Variants in RAB11A observed in about 807,000 individuals in gnomAD.
RAB11A encodes ras-related protein Rab-11A.
Under a neutral mutation model 28.0 loss-of-function variants are expected in RAB11A, and 9 were observed. The observed-to-expected ratio is 0.32, with a 90% CI of 0.19 to 0.56. The LOEUF is 0.56. RAB11A is among the 20% of genes least tolerant of loss of function. The probability of loss-of-function intolerance (pLI) is 0.91; values close to 1 mark genes in which losing one functional copy is unlikely to be tolerated. For missense variants in RAB11A, 108 were observed against 269.6 expected (o/e 0.40, Z 4.20); for synonymous variants, 85 against 88.2 (o/e 0.96, Z 0.20).
At chr15:65,870,316 T>G (rs1182019376) in intron 1 of RAB11A, among the ~76,000 whole-genome samples, 1 of 152,070 alleles carries the variant, frequency 6.6e-6, no homozygotes, top group Non-Finnish European at 1.5e-5. Flanking sequence ...CTCTCTACCT[T>G]CCCTCCCCAA....
chr15:65,880,921 A>G lies in RAB11A; in HGVS notation c.511+1170A>G, dbSNP rs551599298. Among the ~76,000 whole-genome samples the G allele has an allele frequency of 9.8e-5, 15 of 152,288 alleles. No homozygotes were observed. In the East Asian group the frequency reaches 2.9e-3, roughly 29 times the overall value. On this transcript the variant is annotated intron_variant, in intron 4 of 4. Coordinates refer to ENST00000261890, the MANE Select transcript of RAB11A (RefSeq NM_004663.5). ...TTGTGACCTAAAGGTTTTTTGTCTC[A>G]GTAACCCTTAGCAAAGAATGGTCTG...
At chr15:65,884,423 G>C (rs58619780) in intron 4 of RAB11A, among the ~76,000 whole-genome samples, 22,509 of 151,966 alleles carry the variant, frequency 0.15, 2,710 homozygotes, top group East Asian at 0.62. Flanking sequence ...AAATTGTTTT[G>C]AAGATTAAAT....
At chr15:65,876,423 A>G (rs554681379) in intron 1 of RAB11A, among the ~76,000 whole-genome samples, 8 of 152,048 alleles carry the variant, frequency 5.3e-5, no homozygotes, top group African/African-American at 1.9e-4. Flanking sequence ...CAGGCCCACA[A>G]GTAGTTGGGA....
rs1340477472 is a variant in RAB11A, at chr15:65,889,914, G to GTCTTT, written c.*2075_*2079dup. On this transcript the variant is annotated 3_prime_UTR_variant, in exon 5 of 5. Coordinates refer to ENST00000261890, the MANE Select transcript of RAB11A (RefSeq NM_004663.5). The stretch of plus-strand genomic sequence containing the variant: ...TGACTTTGATTGCATTTCAGCAGGT[G>GTCTTT]TCTTTATTCTGAGTAGTATCTTAGG... 1 of 152,114 alleles carries GTCTTT rather than the reference G, an allele frequency of 6.6e-6. No individual in the cohort carries two copies. Among genetic ancestry groups the GTCTTT allele is most frequent in the Non-Finnish European group, 1.5e-5 (1 of 68,032 alleles). The allele number at this position is 152,114 out of a possible 1,614,324, so 9.4% of individuals were successfully genotyped here. A position where few individuals can be genotyped will look rare whatever the true frequency, so the allele number is the denominator to read the frequency against.
At chr15:65,875,103 C>A (rs965488614) in intron 1 of RAB11A, among the ~76,000 whole-genome samples, 1 of 151,990 alleles carries the variant, frequency 6.6e-6, no homozygotes, top group African/African-American at 2.4e-5. Context: ...CAAGTTCTGG[C>A]TCTACTCCCC....
In RAB11A at chr15:65,888,146, T is replaced by A. The variant is rs559610242; in HGVS notation, c.*306T>A. The A allele has an allele frequency of 1.3e-5, 3 of 231,212 alleles. No individual in the cohort carries two copies. Among genetic ancestry groups the A allele is most frequent in the Non-Finnish European group, 2.5e-5 (3 of 120,314 alleles). 14.3% of individuals were successfully genotyped at this position (231,212 alleles called of 1,614,324 possible). A position where few individuals can be genotyped will look rare whatever the true frequency, so the allele number is the denominator to read the frequency against. ...GTATGTAGGACATAATAGAACTTGA[T>A]CACTTGAAGCTCAGACCTATTGGTC... On this transcript the variant is annotated 3_prime_UTR_variant, in exon 5 of 5. Coordinates refer to ENST00000261890, the MANE Select transcript of RAB11A (RefSeq NM_004663.5).
At chr15:65,874,227 CTTTT>C (rs1005009654) in intron 1 of RAB11A, among the ~76,000 whole-genome samples, 1 of 141,248 alleles carries the variant, frequency 7.1e-6, no homozygotes. Context: ...TAGTTGATAA[CTTTT>C]TTTTTTTTTT....
chr15:65,879,320 A>G (rs756408470), intron 3 of RAB11A, among the ~76,000 whole-genome samples: 6 of 152,174 alleles, frequency 3.9e-5, no homozygotes, highest in Non-Finnish European at 7.4e-5. Flanking sequence ...CTCTCTTGCT[A>G]TTATTTTTAA....
At position 65,877,701 on chromosome 15, in the gene RAB11A, T is replaced by G. The variant is rs2078198236; in HGVS notation, c.237-61T>G. 7.0e-7 allele frequency: 1 copy of G among 1,421,980 alleles called. No individual in the cohort carries two copies. Among genetic ancestry groups the G allele is most frequent in the Non-Finnish European group, 9.6e-7 (1 of 1,045,174 alleles). The allele number at this position is 1,421,980 out of a possible 1,614,324, so 88.1% of individuals were successfully genotyped here. Reference sequence around the variant, plus strand: ...AAAACTCATGATCCATATTTTGAGTTCTTCCTGGTGTTTGCTTCCATCTTG... The same window carrying G: ...AAAACTCATGATCCATATTTTGAGTGCTTCCTGGTGTTTGCTTCCATCTTG... On this transcript the variant is annotated intron_variant, in intron 2 of 4. Transcript: ENST00000261890. This position sits in a 1 kb window ranked among gnomAD's most constrained non-coding sequence, Gnocchi z 4.1.
chr15:65,880,617 ATT>A (rs1316939821), intron 4 of RAB11A, among the ~76,000 whole-genome samples: 3 of 152,186 alleles, frequency 2.0e-5, no homozygotes. Flanking sequence ...CAGCCCCTGT[ATT>A]AGAGATTAAC....
chr15:65,878,986 C>G (rs1489869763), intron 3 of RAB11A, among the ~76,000 whole-genome samples: 2 of 142,382 alleles, frequency 1.4e-5, no homozygotes, highest in African/African-American at 5.2e-5. Context: ...TTGACAATTT[C>G]TCACTTTTTT....
intron 3 of RAB11A, among the ~76,000 whole-genome samples, chr15:65,878,664 C>T (rs534714234): frequency 5.3e-5 from 8 of 152,238 alleles, no homozygotes; most frequent in African/African-American, 1.7e-4. Context: ...GGCGAAAGAG[C>T]GAGACTCCGT....
intron 1 of RAB11A, among the ~76,000 whole-genome samples, chr15:65,869,845 G>C (rs1383704450): frequency 6.6e-6 from 1 of 152,124 alleles, no homozygotes; most frequent in Non-Finnish European, 1.5e-5. Flanking sequence ...ATAGGCCTTC[G>C]CTGGCCTCAG....
chr15:65,873,527 T>G (rs2141100983), intron 1 of RAB11A, among the ~76,000 whole-genome samples: 1 of 152,136 alleles, frequency 6.6e-6, no homozygotes. Context: ...TGAGCCTTAT[T>G]GTATGCATTA....
Position 65,889,359 on chromosome 15 carries a change from C to T in RAB11A, c.*1519C>T, listed in dbSNP as rs2078273035. ...GATAATATTATCTATTTGTAAATTGCTACTTTGTATTTTATGCATGCTCTG... is the reference window on the plus strand; with the variant it reads ...GATAATATTATCTATTTGTAAATTGTTACTTTGTATTTTATGCATGCTCTG... On this transcript the variant is annotated 3_prime_UTR_variant, in exon 5 of 5. Coordinates refer to ENST00000261890, the MANE Select transcript of RAB11A (RefSeq NM_004663.5). 1 of 152,074 alleles carries T rather than the reference C, an allele frequency of 6.6e-6. No homozygotes were observed. The highest frequency in any genetic ancestry group is 1.5e-5 in the Non-Finnish European group (1 of 68,008). The allele number at this position is 152,074 out of a possible 1,614,324, so 9.4% of individuals were successfully genotyped here.
chr15:65,890,664 TTGCTGACTG>T lies in RAB11A; in HGVS notation c.*2825_*2833del, dbSNP rs1567141167. The T allele has an allele frequency of 2.0e-5, 3 of 152,214 alleles. No individual in the cohort carries two copies. The highest frequency in any genetic ancestry group is 4.4e-5 in the Non-Finnish European group (3 of 68,046). 9.4% of individuals were successfully genotyped at this position (152,214 alleles called of 1,614,324 possible). A position where few individuals can be genotyped will look rare whatever the true frequency, so the allele number is the denominator to read the frequency against. On this transcript the variant is annotated 3_prime_UTR_variant, in exon 5 of 5. Coordinates refer to ENST00000261890, the MANE Select transcript of RAB11A (RefSeq NM_004663.5). ...AAAATGAATATCTTAATTTTTGTCT[TTGCTGACTG>T]GTATTTATAAAATACAAATGCTTTT...
At chr15:65,887,262 C>T (rs2078261443) in intron 4 of RAB11A, among the ~76,000 whole-genome samples, 1 of 151,984 alleles carries the variant, frequency 6.6e-6, no homozygotes, top group Non-Finnish European at 1.5e-5. Flanking sequence ...CAACCTCCGC[C>T]TCCCGGGTTC....
At position 65,878,044 on chromosome 15, in the gene RAB11A, C is replaced by T. The variant is rs766281685; in HGVS notation, c.430+89C>T. 8.7e-5 allele frequency: 110 copies of T among 1,258,772 alleles called. 1 individual carries two copies. The East Asian group carries it at 2.5e-3, about 28-fold the overall frequency. 78.0% of individuals were successfully genotyped at this position (1,258,772 alleles called of 1,614,324 possible). On this transcript the variant is annotated intron_variant, in intron 3 of 4. Transcript: ENST00000261890. ...TGAGAGTAATAGGTTATAATAGTTT[C>T]AGAGAGGTAAACATGAATGCTTAGC... is the stretch of plus-strand genomic sequence containing the variant.
rs2078265453 is a variant in RAB11A at position 65,888,050 on chromosome 15, C to T, written c.*210C>T. 2.3e-6 allele frequency: 1 copy of T among 439,078 alleles called. No homozygotes were observed. The highest frequency in any genetic ancestry group is 3.9e-6 in the Non-Finnish European group (1 of 256,586). 27.2% of individuals were successfully genotyped at this position (439,078 alleles called of 1,614,324 possible). ...TTTTTTCATGCTATGGCTTCACTAG[C>T]CTTAGTTTAATAAACTGAATGTTTG... is the stretch of plus-strand genomic sequence containing the variant. On this transcript the variant is annotated 3_prime_UTR_variant, in exon 5 of 5. Coordinates refer to ENST00000261890, the MANE Select transcript of RAB11A (RefSeq NM_004663.5).
Sources: allele counts gnomAD v4.1 joint callset (sites outside exome capture counted in the v4.1 genomes callset), GRCh38; gene constraint gnomAD v4.1.1; non-coding constraint Gnocchi (gnomAD v3.1); transcripts MANE v1.5; gene names NCBI Gene and HGNC (gene_info 2026-07-23, HGNC 2026-07-21).